Variants in RFX3 observed in about 807,000 individuals in gnomAD.
RFX3 encodes the protein regulatory factor X3.
A neutral mutation model predicts 98.6 loss-of-function variants in RFX3; 14 were observed. The ratio of observed to expected loss-of-function variants is 0.14; its 90% CI spans 0.09 to 0.22. RFX3 has a LOEUF of 0.22. Ranked by LOEUF, RFX3 falls within the 10% of genes least tolerant of loss-of-function variation. The probability of loss-of-function intolerance (pLI) is 1.00; values close to 1 mark genes in which losing one functional copy is unlikely to be tolerated. For synonymous variants in RFX3, 383 were observed against 328.4 expected, an observed-to-expected ratio of 1.17 and a Z score of -1.80; for missense variants, 639 against 926.9, an observed-to-expected ratio of 0.69 and a Z score of 4.03.
chr9:3,382,360 T>C (rs528572096), intron 2 of RFX3, among the ~76,000 whole-genome samples: 4 of 152,326 alleles, frequency 2.6e-5, no homozygotes, highest in African/African-American at 9.6e-5. Context: ...ATAATTAATA[T>C]GTCAACTATA....
intron 1 of RFX3, among the ~76,000 whole-genome samples, chr9:3,410,802 T>C (rs963642316): frequency 6.6e-6 from 1 of 152,238 alleles, no homozygotes; most frequent in African/African-American, 2.4e-5. Flanking sequence ...ATTTAAAAAC[T>C]GCTTTGTACA....
intron 2 of RFX3, among the ~76,000 whole-genome samples, chr9:3,358,236 T>A (rs1476818544): frequency 6.6e-6 from 1 of 152,184 alleles, no homozygotes; most frequent in Non-Finnish European, 1.5e-5. Context: ...TAGGTCTGTA[T>A]GACAATTATA....
chr9:3,335,252 T>C (rs1367358768), intron 3 of RFX3, among the ~76,000 whole-genome samples: 1 of 152,120 alleles, frequency 6.6e-6, no homozygotes, highest in Non-Finnish European at 1.5e-5. Flanking sequence ...AACAGGTAAC[T>C]CCTAAAGGTT....
At chr9:3,405,754 G>A (rs868290887) in intron 1 of RFX3, among the ~76,000 whole-genome samples, 17 of 151,712 alleles carry the variant, frequency 1.1e-4, no homozygotes, top group African/African-American at 2.9e-4. Context: ...TCTATATCTC[G>A]CCACACAGAT....
At chr9:3,504,894 C>G (rs1456635740) in intron 1 of RFX3, among the ~76,000 whole-genome samples, 1 of 18,212 alleles carries the variant, frequency 5.5e-5, no homozygotes, top group African/African-American at 1.8e-4. Context: ...TATAATATAA[C>G]ATATATTATA....
rs577534490 is a variant in RFX3, at chr9:3,523,852, G to A, written c.-9+1895C>T. Among the ~76,000 whole-genome samples, 26 of 152,270 alleles carry A rather than the reference G, an allele frequency of 1.7e-4. 1 individual carries two copies. In the South Asian group the frequency reaches 5.0e-3, roughly 29 times the overall value. On this transcript the variant is annotated intron_variant, in intron 1 of 16. Transcript: ENST00000617270. ...GGAATAATTATAAACAAATCTGAGT[G>A]CTCTGAGAAAGACTTCTTTCAGAAC...
At chr9:3,515,632 C>A (rs1024068841) in intron 1 of RFX3, among the ~76,000 whole-genome samples, 1 of 152,208 alleles carries the variant, frequency 6.6e-6, no homozygotes, top group East Asian at 1.9e-4. Flanking sequence ...CAACCTCCCC[C>A]ATTCCTCCAC....
chr9:3,231,965 G>A (rs139684495), intron 15 of RFX3, among the ~76,000 whole-genome samples: 2,866 of 152,058 alleles, frequency 0.019, 81 homozygotes, highest in African/African-American at 0.064. Context: ...CCTGGGAGGC[G>A]AAGGTTGCAG....
Position 3,222,893 on chromosome 9 carries a change from T to C in RFX3, c.*2149A>G, listed in dbSNP as rs1160929252. ...TGAGTTGTATAATAAAAAATTTGGA[T>C]CAGTTTTTAAAATTACATCTAAAAT... On this transcript the variant is annotated 3_prime_UTR_variant, in exon 17 of 17. Transcript: ENST00000617270. 10 of 152,292 alleles carry C rather than the reference T, an allele frequency of 6.6e-5. No individual in the cohort carries two copies. Among genetic ancestry groups the C allele is most frequent in the African/African-American group, 2.2e-4 (9 of 41,578 alleles). The allele number at this position is 152,292 out of a possible 1,614,324, so 9.4% of individuals were successfully genotyped here.
intron 1 of RFX3, among the ~76,000 whole-genome samples, chr9:3,439,155 T>C (rs977160175): frequency 6.6e-6 from 1 of 151,470 alleles, no homozygotes; most frequent in Non-Finnish European, 1.5e-5. Flanking sequence ...AATAAAAATT[T>C]GTAGTAAGCC....
intron 2 of RFX3, among the ~76,000 whole-genome samples, chr9:3,391,760 A>G (rs1051142443): frequency 2.0e-5 from 3 of 152,154 alleles, no homozygotes; most frequent in African/African-American, 7.2e-5. Flanking sequence ...TGTTTTTAAT[A>G]TATGTATTTA....
intron 1 of RFX3, among the ~76,000 whole-genome samples, chr9:3,493,474 G>A (rs890583610): frequency 2.0e-5 from 3 of 151,842 alleles, no homozygotes; most frequent in African/African-American, 7.3e-5. Flanking sequence ...CACGAGGTCA[G>A]GAGATCGAGA....
At chr9:3,399,803 G>C (rs1220918291) in intron 1 of RFX3, among the ~76,000 whole-genome samples, 3 of 151,742 alleles carry the variant, frequency 2.0e-5, no homozygotes, top group Non-Finnish European at 4.4e-5. Flanking sequence ...ACAAAAATTA[G>C]CCAGGCATGG....
chr9:3,424,142 T>A (rs566062118), intron 1 of RFX3, among the ~76,000 whole-genome samples: 16 of 149,782 alleles, frequency 1.1e-4, no homozygotes, highest in Admixed American at 7.3e-4. Flanking sequence ...GGGAGACTCC[T>A]TCTCAAAAAA....
chr9:3,285,610 C>T (rs1156807817), intron 7 of RFX3, among the ~76,000 whole-genome samples: 1 of 151,504 alleles, frequency 6.6e-6, no homozygotes, highest in East Asian at 1.9e-4. Context: ...ATGCAATTGG[C>T]AACAGTAACA....
rs1817431861 is a variant in RFX3, at chr9:3,223,109, TG to T, written c.*1932del. 6.6e-6 allele frequency: 1 copy of T among 151,854 alleles called. No individual in the cohort carries two copies. The highest frequency in any genetic ancestry group is 1.5e-5 in the Non-Finnish European group (1 of 67,930). The allele number at this position is 151,854 out of a possible 1,614,324, so 9.4% of individuals were successfully genotyped here. On this transcript the variant is annotated 3_prime_UTR_variant, in exon 17 of 17. Transcript: ENST00000617270. ...AATACCACTGGAAAGATAAACATCT[TG>T]GGTTTAATATAGGCCTCATTTGATA...
chr9:3,264,809 A>G (rs551928534), intron 12 of RFX3, among the ~76,000 whole-genome samples: 5 of 152,292 alleles, frequency 3.3e-5, no homozygotes, highest in African/African-American at 1.2e-4. Flanking sequence ...AGAAGAACAG[A>G]CGGTACCCTC....
At chr9:3,372,962 G>C (rs555952258) in intron 2 of RFX3, among the ~76,000 whole-genome samples, 5 of 151,878 alleles carry the variant, frequency 3.3e-5, no homozygotes, top group Non-Finnish European at 7.4e-5. Flanking sequence ...GCAAACACAA[G>C]AAAAAATGGT....
At chr9:3,432,137 A>G (rs944498432) in intron 1 of RFX3, among the ~76,000 whole-genome samples, 1 of 152,138 alleles carries the variant, frequency 6.6e-6, no homozygotes, top group African/African-American at 2.4e-5. Flanking sequence ...GATTGGTTCC[A>G]CTGATTCTTT....
Sources: allele counts gnomAD v4.1 joint callset (sites outside exome capture counted in the v4.1 genomes callset), GRCh38; gene constraint gnomAD v4.1.1; transcripts MANE v1.5; gene names NCBI Gene and HGNC (gene_info 2026-07-23, HGNC 2026-07-21).